Variants in PPL observed in about 807,000 individuals in gnomAD.
PPL encodes 190 kDa paraneoplastic pemphigus antigen.
PPL carries 198 observed loss-of-function variants against 194.4 expected under a neutral mutation model. That is an observed-to-expected ratio of 1.02 (90% CI 0.91 to 1.15). PPL has a LOEUF of 1.15. Ranked by LOEUF, PPL falls within the 50% of genes most tolerant of loss-of-function variation. The pLI, the probability that PPL is intolerant of heterozygous loss-of-function variation, is 0.00. For missense variants in PPL, 2,885 were observed against 2,294.8 expected (o/e 1.26, Z -5.25); for synonymous variants, 1,220 against 972.4 (o/e 1.25, Z -4.74).
Position 4,885,382 on chromosome 16 carries a change from C to G in PPL, c.3273G>C (p.Leu1091=). Residue 1091 remains leucine, a synonymous_variant, in exon 22 of 22, where the codon CTG becomes CTC. Coordinates refer to ENST00000345988, the MANE Select transcript of PPL (RefSeq NM_002705.5). This position sits in a 1 kb window ranked among gnomAD's most constrained non-coding sequence, Gnocchi z 6.3. The part of the protein sequence containing the change: ...DQLREKQEEE[L]SFLQDKLKRL... ...TCTTGAGCTTGTCCTGGAGGAAGCTCAGCTCCTCCTCCTGCTTCTCCCTGA... is the reference window on the plus strand; with the variant it reads ...TCTTGAGCTTGTCCTGGAGGAAGCTGAGCTCCTCCTCCTGCTTCTCCCTGA... 2 of 1,613,006 alleles carry G rather than the reference C, an allele frequency of 1.2e-6. No individual in the cohort carries two copies. Among genetic ancestry groups the G allele is most frequent in the Non-Finnish European group, 1.7e-6 (2 of 1,179,984 alleles).
rs1026662896 is a variant in PPL, at chr16:4,927,606, G to C, written c.62+9378C>G. 6.7e-4 allele frequency among the ~76,000 whole-genome samples: 102 copies of C among 152,362 alleles called. 1 individual carries two copies. The highest frequency in any genetic ancestry group is 2.4e-3 in the African/African-American group (101 of 41,582). On this transcript the variant is annotated intron_variant, in intron 1 of 21. Coordinates refer to ENST00000345988, the MANE Select transcript of PPL (RefSeq NM_002705.5). ...GAATGTGCCCAATGAATACCAGATTGATTGGTCAATTGACTGATTCTCTCA... is the reference window on the plus strand; with the variant it reads ...GAATGTGCCCAATGAATACCAGATTCATTGGTCAATTGACTGATTCTCTCA...
chr16:4,926,484 C>A (rs141950277), intron 1 of PPL, among the ~76,000 whole-genome samples: 2 of 152,248 alleles, frequency 1.3e-5, no homozygotes, highest in Non-Finnish European at 2.9e-5. Flanking sequence ...GAATTAAGGA[C>A]AACAGAAGGC....
rs2088191917 is a variant in PPL at position 4,885,175 on chromosome 16, G to A, written c.3480C>T (p.Ala1160=). 6.2e-7 allele frequency: 1 copy of A among 1,614,062 alleles called. No individual in the cohort carries two copies. Among genetic ancestry groups the A allele is most frequent in the Non-Finnish European group, 8.5e-7 (1 of 1,180,024 alleles). The change falls in exon 22 of 22, where the codon GCC becomes GCT. Residue 1160 remains alanine (A), a synonymous_variant. Transcript: ENST00000345988. The surrounding 1 kb of genome is among the most constrained non-coding windows in gnomAD (Gnocchi z 6.3). The part of the protein sequence containing the change: ...EKTELLRKIW[A]LEEENAKVVV... ...CCACTTTGGCGTTCTCCTCCTCCAAGGCCCATATCTTTCGGAGCAGCTCCG... is the reference window on the plus strand; with the variant it reads ...CCACTTTGGCGTTCTCCTCCTCCAAAGCCCATATCTTTCGGAGCAGCTCCG...
chr16:4,894,509 A>G lies in PPL; in HGVS notation c.1352T>C (p.Val451Ala). ...GGCCTCAGGGTCTGTGGGGGGGATC[A>G]CAAAACACACGGCCGGAGCAATCAG... ...NKLIAPAVCF[V>A]IPPTDPEALA... The change falls in exon 12 of 22, where the codon GTG (valine) becomes GCG (alanine). Residue 451 changes from valine to alanine, a missense_variant. By Grantham distance (64) the Val-to-Ala change is moderately conservative (BLOSUM62 0). Transcript: ENST00000345988. 6.2e-7 allele frequency: 1 copy of G among 1,613,914 alleles called. No homozygotes were observed.
chr16:4,897,337 A>G (rs1333588239), intron 9 of PPL, among the ~76,000 whole-genome samples: 1 of 148,880 alleles, frequency 6.7e-6, no homozygotes, highest in African/African-American at 2.5e-5. Flanking sequence ...TCTCTCAAAA[A>G]AAAAAAAAAA....
chr16:4,925,396 G>T (rs1198289606), intron 1 of PPL, among the ~76,000 whole-genome samples: 1 of 152,158 alleles, frequency 6.6e-6, no homozygotes, highest in Admixed American at 6.5e-5. Flanking sequence ...TAACAACACT[G>T]AGGGCACCTA....
chr16:4,895,901 C>T (rs2142352262), intron 9 of PPL, among the ~76,000 whole-genome samples, 185 bp from the exon 10 acceptor site: 1 of 152,308 alleles, frequency 6.6e-6, no homozygotes, highest in African/African-American at 2.4e-5. Flanking sequence ...CCTGAGCTGG[C>T]TCCTTAGGGG....
At chr16:4,898,947 G>A (rs1287231990) in intron 8 of PPL, 66 bp downstream of exon 8, 11 of 1,342,042 alleles carry the variant, frequency 8.2e-6, no homozygotes, top group East Asian at 4.6e-5. Context: ...AGCTCCAGGC[G>A]GCCCACAGGC....
intron 2 of PPL, among the ~76,000 whole-genome samples, chr16:4,905,759 G>C (rs983285414): frequency 3.3e-5 from 5 of 152,172 alleles, no homozygotes; most frequent in Non-Finnish European, 7.3e-5. Context: ...AAGGGCTGAA[G>C]GGTGAACAGG....
Position 4,930,765 on chromosome 16 carries a change from A to G in PPL, c.62+6219T>C, listed in dbSNP as rs1332002443. On this transcript the variant is annotated intron_variant, in intron 1 of 21. Transcript: ENST00000345988. ...AAGAGAAGCAGTGAAAAGGGGTGGG[A>G]GGGGCATTCTGGGCAACAGGAATGG... Among the ~76,000 whole-genome samples the G allele has an allele frequency of 4.6e-5, 7 of 152,040 alleles. No individual in the cohort carries two copies. In the South Asian group the frequency reaches 1.5e-3, roughly 32 times the overall value.
chr16:4,929,853 T>TG (rs1215761012), intron 1 of PPL, among the ~76,000 whole-genome samples: 2 of 135,806 alleles, frequency 1.5e-5, no homozygotes, highest in African/African-American at 5.7e-5. Flanking sequence ...GCCCAGCTAA[T>TG]TTTTTTTTTT....
chr16:4,900,107 C>G (rs1596556623), intron 6 of PPL, among the ~76,000 whole-genome samples: 1 of 152,148 alleles, frequency 6.6e-6, no homozygotes, highest in Non-Finnish European at 1.5e-5. Flanking sequence ...AGCATGGCTC[C>G]TTATAGCGAC....
chr16:4,909,363 G>T (rs2088771835), intron 2 of PPL, among the ~76,000 whole-genome samples: 1 of 151,612 alleles, frequency 6.6e-6, no homozygotes, highest in South Asian at 2.1e-4. Context: ...AGCTTGGCCG[G>T]GTAGACCTTG....
At chr16:4,889,241 G>GTTTTTTTTTTTTT (rs869094472) in intron 18 of PPL, among the ~76,000 whole-genome samples, 180 bp from the exon 19 acceptor site, 1 of 66,636 alleles carries the variant, frequency 1.5e-5, no homozygotes, top group African/African-American at 7.6e-5. Context: ...TGTTGTTGTT[G>GTTTTTTTTTTTTT]TTTTTTTTTT....
At chr16:4,894,114 T>C (rs1249098455) in intron 12 of PPL, among the ~76,000 whole-genome samples, 1 of 152,040 alleles carries the variant, frequency 6.6e-6, no homozygotes, top group Admixed American at 6.5e-5. Flanking sequence ...TGGAAGAAGG[T>C]GCCTGGGAGC....
At chr16:4,926,713 T>G (rs906447035) in intron 1 of PPL, among the ~76,000 whole-genome samples, 1 of 151,388 alleles carries the variant, frequency 6.6e-6, no homozygotes, top group Non-Finnish European at 1.5e-5. Flanking sequence ...ATCTCTACGA[T>G]AAATACAAAA....
At chr16:4,927,412 C>T (rs1231620937) in intron 1 of PPL, among the ~76,000 whole-genome samples, 7 of 152,204 alleles carry the variant, frequency 4.6e-5, no homozygotes, top group Non-Finnish European at 7.3e-5. Context: ...TTTGACTTAA[C>T]TGGTCTTGGA....
rs2089230011 is a variant in PPL at position 4,931,901 on chromosome 16, T to C, written c.62+5083A>G. Among the ~76,000 whole-genome samples, 3 of 152,306 alleles carry C rather than the reference T, an allele frequency of 2.0e-5. No homozygotes were observed. The South Asian group carries it at 6.2e-4, about 32-fold the overall frequency. ...TCAGCTCTGTCCTGAATCGAATTTA[T>C]CCAGTCTCATTCCTTCTTCCAAGAG... On this transcript the variant is annotated intron_variant, in intron 1 of 21. Transcript: ENST00000345988.
In PPL at chr16:4,895,696, G is replaced by C. The variant is rs781526306; in HGVS notation, c.993C>G (p.Asp331Glu). 2 of 1,613,934 alleles carry C rather than the reference G, an allele frequency of 1.2e-6. No individual in the cohort carries two copies. Among genetic ancestry groups the C allele is most frequent in the East Asian group, 4.5e-5 (2 of 44,878 alleles). The change falls in exon 10 of 22, where the codon GAC (aspartate) becomes GAG (glutamate). Residue 331 changes from aspartate to glutamate, a missense_variant. Transcript: ENST00000345988. ...CCACCTTGCGCAGCAGCTCCTGAGC[G>C]TCCTTCACGTCTTCGTGAAACTAGG... ...DYHQFHEDVK[D>E]AQELLRKVDS...
Sources: gnomAD v4.1 joint callset for allele counts (sites outside exome capture counted in the v4.1 genomes callset) on GRCh38, gnomAD v4.1.1 for gene constraint, Gnocchi (gnomAD v3.1) non-coding constraint, MANE v1.5 for transcripts, NCBI Gene and HGNC (gene_info 2026-07-23, HGNC 2026-07-21) for gene names.